EMILIN2: variants seen among roughly 807,000 people sequenced by gnomAD.
The protein encoded by EMILIN2 is EMILIN-2.
Under a neutral mutation model 87.1 loss-of-function variants are expected in EMILIN2, and 71 were observed. The observed-to-expected ratio is 0.82, with a 90% CI of 0.67 to 0.99. EMILIN2 has a LOEUF of 0.99. Among genes scored for constraint, EMILIN2 ranks in the 50% least tolerant of loss-of-function variants. EMILIN2 has a pLI of 0.00. For missense variants in EMILIN2, 1,407 were observed against 1,371.8 expected, an observed-to-expected ratio of 1.03 and a Z score of -0.40; for synonymous variants, 581 against 563.4, an observed-to-expected ratio of 1.03 and a Z score of -0.44.
intron 4 of EMILIN2, among the ~76,000 whole-genome samples, chr18:2,900,225 T>C (rs925765597): frequency 6.6e-6 from 1 of 152,224 alleles, no homozygotes; most frequent in Non-Finnish European, 1.5e-5. Context: ...TCTTGCTCTG[T>C]TGCCCAGGCT....
chr18:2,913,338 A>C lies in EMILIN2; in HGVS notation c.3096A>C (p.Thr1032=). The C allele has an allele frequency of 6.2e-7, 1 of 1,612,712 alleles. No homozygotes were observed. The highest frequency in any genetic ancestry group is 8.5e-7 in the Non-Finnish European group (1 of 1,179,272). The change falls in exon 8 of 8, where the codon ACA becomes ACC. Residue 1032 remains threonine, a synonymous_variant. Transcript: ENST00000254528. The part of the protein sequence containing the change: ...VVVTGGKLAH[T]DFDEMYSTFS... ...TGACTGGGGGCAAGCTGGCTCACACAGACTTTGATGAAATGTACTCCACAT... is the reference window on the plus strand; with the variant it reads ...TGACTGGGGGCAAGCTGGCTCACACCGACTTTGATGAAATGTACTCCACAT...
In EMILIN2 at chr18:2,847,739, C is replaced by T. The variant is rs2076582548; in HGVS notation, c.135-70C>T. 6.4e-7 allele frequency: 1 copy of T among 1,556,370 alleles called. No individual in the cohort carries two copies. The highest frequency in any genetic ancestry group is 1.2e-5 in the South Asian group (1 of 85,430). ...CCTCGCTCGGTCTGGTGCCGCAGTCCCCTCTCCCCTGGCCTCATTGTTCTC... is the reference window on the plus strand; with the variant it reads ...CCTCGCTCGGTCTGGTGCCGCAGTCTCCTCTCCCCTGGCCTCATTGTTCTC... On this transcript the variant is annotated intron_variant, in intron 1 of 7. Transcript: ENST00000254528. This position sits in a 1 kb window ranked among gnomAD's most constrained non-coding sequence, Gnocchi z 4.5.
At chr18:2,910,628 A>G (rs1247128551) in intron 7 of EMILIN2, among the ~76,000 whole-genome samples, 1 of 150,982 alleles carries the variant, frequency 6.6e-6, no homozygotes, top group Admixed American at 6.6e-5. Context: ...CACTGTGAAC[A>G]GGGCCTCCTG....
Position 2,877,410 on chromosome 18 carries a change from G to C in EMILIN2, c.258-7554G>C, listed in dbSNP as rs1012043569. 3.4e-5 allele frequency among the ~76,000 whole-genome samples: 5 copies of C among 147,304 alleles called. No homozygotes were observed. The Admixed American group carries it at 3.4e-4, about 10-fold the overall frequency. On this transcript the variant is annotated intron_variant, in intron 2 of 7. Transcript: ENST00000254528. ...TCATACCACATCGTCTAAGACAAAA[G>C]CTTATTTTTTATTCATTGACTGACA...
At position 2,890,113 on chromosome 18, in the gene EMILIN2, C is replaced by T. The variant is rs111785481; in HGVS notation, c.434-448C>T. ...TGGGTGGATCTTGCTAAAGTGGTTT[C>T]TTGTGGTTTTACTGTATGCAGTCAA... On this transcript the variant is annotated intron_variant, in intron 3 of 7. Transcript: ENST00000254528. The surrounding 1 kb of genome is among the most constrained non-coding windows in gnomAD (Gnocchi z 4.7). Among the ~76,000 whole-genome samples, 446 of 152,240 alleles carry T rather than the reference C, an allele frequency of 2.9e-3. 3 individuals are homozygous for T. The highest frequency in any genetic ancestry group is 0.01 in the African/African-American group (420 of 41,530).
At position 2,848,105 on chromosome 18, in the gene EMILIN2, A is replaced by G. The variant is rs1224443117; in HGVS notation, c.257+174A>G. Among the ~76,000 whole-genome samples the G allele has an allele frequency of 2.0e-5, 3 of 152,256 alleles. No individual in the cohort carries two copies. The highest frequency in any genetic ancestry group is 4.8e-5 in the African/African-American group (2 of 41,570). ...CGCGGGGCACCGGCCACGCTGGGCTATTTAGGGAGTGGGTGCTGCCCGAGT... is the reference window on the plus strand; with the variant it reads ...CGCGGGGCACCGGCCACGCTGGGCTGTTTAGGGAGTGGGTGCTGCCCGAGT... On this transcript the variant is annotated intron_variant, in intron 2 of 7. Coordinates refer to ENST00000254528, the MANE Select transcript of EMILIN2 (RefSeq NM_032048.3). The surrounding 1 kb of genome is among the most constrained non-coding windows in gnomAD (Gnocchi z 4.1).
At chr18:2,852,759 C>T (rs2076607729) in intron 2 of EMILIN2, among the ~76,000 whole-genome samples, 1 of 152,134 alleles carries the variant, frequency 6.6e-6, no homozygotes, top group African/African-American at 2.4e-5. Context: ...CCTCAAGTGA[C>T]CCGCCTGCCT....
At chr18:2,888,441 C>T (rs182057265) in intron 3 of EMILIN2, among the ~76,000 whole-genome samples, 49 of 152,054 alleles carry the variant, frequency 3.2e-4, no homozygotes, top group Middle Eastern at 3.4e-3. Context: ...AACGGCCGGG[C>T]GCGGTGGCTC....
chr18:2,902,221 T>C (rs1334123804), intron 4 of EMILIN2, among the ~76,000 whole-genome samples: 1 of 152,226 alleles, frequency 6.6e-6, no homozygotes, highest in East Asian at 1.9e-4. Flanking sequence ...TTAGGGTGCA[T>C]GGCCCATAGC....
In EMILIN2 at chr18:2,882,543, G is replaced by A. The variant is rs529772783; in HGVS notation, c.258-2421G>A. ...GGGGATCACTTGAGGCCATGGGCTC[G>A]AGACCAGCCTGGGCAACATAGTGAG... On this transcript the variant is annotated intron_variant, in intron 2 of 7. Coordinates refer to ENST00000254528, the MANE Select transcript of EMILIN2 (RefSeq NM_032048.3). Among the ~76,000 whole-genome samples the A allele has an allele frequency of 2.0e-4, 30 of 152,156 alleles. 1 individual carries two copies. Among genetic ancestry groups the A allele is most frequent in the Admixed American group, 8.5e-4 (13 of 15,280 alleles).
intron 2 of EMILIN2, among the ~76,000 whole-genome samples, chr18:2,853,607 C>A (rs1037840011): frequency 1.3e-5 from 2 of 152,206 alleles, no homozygotes; most frequent in African/African-American, 2.4e-5. Flanking sequence ...TAGCAACCCT[C>A]TGGGGTCACT....
intron 6 of EMILIN2, 129 bp from the exon 7 acceptor site, chr18:2,909,562 T>A: frequency 1.6e-6 from 2 of 1,241,694 alleles, no homozygotes; most frequent in Non-Finnish European, 2.2e-6. Context: ...AGGAGTTTGC[T>A]TCACCACTTT....
At chr18:2,895,660 G>A (rs1021990389) in intron 4 of EMILIN2, among the ~76,000 whole-genome samples, 2 of 152,156 alleles carry the variant, frequency 1.3e-5, no homozygotes, top group African/African-American at 4.8e-5. Flanking sequence ...TCTCCATGTG[G>A]CCAACCTGGG....
intron 2 of EMILIN2, among the ~76,000 whole-genome samples, chr18:2,851,829 G>C (rs1442396372): frequency 6.6e-6 from 1 of 152,166 alleles, no homozygotes; most frequent in African/African-American, 2.4e-5. Context: ...CCATGTTAGG[G>C]CTTTCCATTC....
chr18:2,889,945 A>G (rs781547672), intron 3 of EMILIN2, among the ~76,000 whole-genome samples: 11 of 151,740 alleles, frequency 7.2e-5, no homozygotes, highest in Non-Finnish European at 1.5e-4. Context: ...TGTCTCCCAA[A>G]CTGCAAGCAG....
At chr18:2,866,444 A>G (rs1049315360) in intron 2 of EMILIN2, among the ~76,000 whole-genome samples, 2 of 152,016 alleles carry the variant, frequency 1.3e-5, no homozygotes, top group Non-Finnish European at 2.9e-5. Context: ...TTTTGTATCT[A>G]TTGTAAAAGG....
chr18:2,875,335 C>T lies in EMILIN2; in HGVS notation c.258-9629C>T, dbSNP rs373822924. On this transcript the variant is annotated intron_variant, in intron 2 of 7. Coordinates refer to ENST00000254528, the MANE Select transcript of EMILIN2 (RefSeq NM_032048.3). ...CATGGCTCAGGCCAGCAGATGTTCTCATGGCCGTGCCGTGGGAACACTCGG... is the reference window on the plus strand; with the variant it reads ...CATGGCTCAGGCCAGCAGATGTTCTTATGGCCGTGCCGTGGGAACACTCGG... Among the ~76,000 whole-genome samples the T allele has an allele frequency of 1.1e-4, 16 of 152,326 alleles. No homozygotes were observed. The East Asian group carries it at 2.7e-3, about 26-fold the overall frequency.
chr18:2,852,326 G>A (rs2076605574), intron 2 of EMILIN2, among the ~76,000 whole-genome samples: 1 of 152,146 alleles, frequency 6.6e-6, no homozygotes, highest in Non-Finnish European at 1.5e-5. Context: ...AGAGGCGAGA[G>A]TTATCGGACA....
chr18:2,860,765 G>A (rs544692199), intron 2 of EMILIN2, among the ~76,000 whole-genome samples: 1 of 152,298 alleles, frequency 6.6e-6, no homozygotes, highest in South Asian at 2.1e-4. Flanking sequence ...TAATGGGATG[G>A]CTGGGTCAAA....
Sources: gnomAD v4.1 joint callset for allele counts (sites outside exome capture counted in the v4.1 genomes callset) on GRCh38, gnomAD v4.1.1 for gene constraint, Gnocchi (gnomAD v3.1) non-coding constraint, MANE v1.5 for transcripts, NCBI Gene and HGNC (gene_info 2026-07-23, HGNC 2026-07-21) for gene names.